Variants in MDFIC observed in about 807,000 individuals in gnomAD.
MDFIC encodes myoD family inhibitor domain-containing protein.
In MDFIC, 17 loss-of-function variants were observed where a neutral mutation model predicts 23.2. The observed-to-expected ratio is 0.73, with a 90% CI of 0.50 to 1.10. The LOEUF (loss-of-function observed/expected upper bound fraction) is 1.10. Among genes scored for constraint, MDFIC ranks in the 50% least tolerant of loss-of-function variants. MDFIC has a pLI of 0.00. For synonymous variants in MDFIC, 120 were observed against 115.2 expected (o/e 1.04, Z -0.27); for missense variants, 356 against 316.6 (o/e 1.12, Z -0.95).
chr7:114,929,084 GATCT>G (rs11273513), intron 2 of MDFIC, among the ~76,000 whole-genome samples: 1 of 147,960 alleles, frequency 6.8e-6, no homozygotes, highest in Non-Finnish European at 1.5e-5. Flanking sequence ...GATAAATATA[GATCT>G]ATCTATCTAT....
At chr7:114,938,813 G>C (rs1792484354) in intron 2 of MDFIC, among the ~76,000 whole-genome samples, 1 of 152,084 alleles carries the variant, frequency 6.6e-6, no homozygotes, top group South Asian at 2.1e-4. Context: ...TACTAGTTGA[G>C]TTGCAACTAC....
intron 2 of MDFIC, among the ~76,000 whole-genome samples, chr7:114,934,434 C>A (rs188347783): frequency 6.6e-6 from 1 of 152,190 alleles, no homozygotes; most frequent in Admixed American, 6.5e-5. Flanking sequence ...ATACCTATTC[C>A]TTCGCATATT....
In MDFIC at chr7:115,016,565, G is replaced by T. The variant is rs550545422; in HGVS notation, c.*630G>T. 1 of 153,432 alleles carries T rather than the reference G, an allele frequency of 6.5e-6. No individual in the cohort carries two copies. Among genetic ancestry groups the T allele is most frequent in the Admixed American group, 6.6e-5 (1 of 15,236 alleles). 9.5% of individuals were successfully genotyped at this position (153,432 alleles called of 1,614,324 possible). A position where few individuals can be genotyped will look rare whatever the true frequency, so the allele number is the denominator to read the frequency against. On this transcript the variant is annotated 3_prime_UTR_variant, in exon 5 of 5. Coordinates refer to ENST00000393486, the MANE Select transcript of MDFIC (RefSeq NM_001166345.3). ...GGAGAATTGCTTGAACCCGAGAGGCGGAAGTTGCAGTGAGCCGAGATTGTG... is the reference window on the plus strand; with the variant it reads ...GGAGAATTGCTTGAACCCGAGAGGCTGAAGTTGCAGTGAGCCGAGATTGTG...
At chr7:114,996,239 C>T (rs150794318) in intron 4 of MDFIC, among the ~76,000 whole-genome samples, 1 of 152,272 alleles carries the variant, frequency 6.6e-6, no homozygotes, top group Non-Finnish European at 1.5e-5. Flanking sequence ...CTGTGATTCA[C>T]ATGGGAGGTA....
intron 2 of MDFIC, among the ~76,000 whole-genome samples, chr7:114,929,547 A>C (rs7777591): frequency 6.6e-6 from 1 of 152,088 alleles, no homozygotes; most frequent in Non-Finnish European, 1.5e-5. Flanking sequence ...ATATTTTATA[A>C]GGGAGATGGT....
intron 3 of MDFIC, among the ~76,000 whole-genome samples, chr7:114,952,714 A>G (rs536261702): frequency 2.6e-5 from 4 of 152,258 alleles, no homozygotes; most frequent in African/African-American, 9.6e-5. Flanking sequence ...TTTAAGGAAA[A>G]AAAGATTCCC....
chr7:114,987,638 T>A (rs148487134), intron 4 of MDFIC, among the ~76,000 whole-genome samples: 90 of 152,320 alleles, frequency 5.9e-4, no homozygotes, highest in Non-Finnish European at 1.0e-3. Flanking sequence ...TCAAGAAATG[T>A]CACTGCTCAG....
chr7:114,940,665 A>G (rs1362160808), intron 2 of MDFIC, among the ~76,000 whole-genome samples: 1 of 152,212 alleles, frequency 6.6e-6, no homozygotes, highest in African/African-American at 2.4e-5. Context: ...CAAATGTCCA[A>G]TACTTAATTC....
chr7:114,936,983 T>C (rs924227493), intron 2 of MDFIC, among the ~76,000 whole-genome samples: 6 of 152,120 alleles, frequency 3.9e-5, no homozygotes, highest in Non-Finnish European at 5.9e-5. Flanking sequence ...TCATATTTTA[T>C]ATGTTATTAT....
At position 114,922,365 on chromosome 7, in the gene MDFIC, C is replaced by A. The variant is rs1032618774; in HGVS notation, c.-379C>A. On this transcript the variant is annotated 5_prime_UTR_variant, in exon 1 of 5. Coordinates refer to ENST00000393486, the MANE Select transcript of MDFIC (RefSeq NM_001166345.3). ...GAAAGAGAGGCAGAGAGGGGGAAGG[C>A]CCCCTCGCAGGGGAGCCGGCTGGAG... The A allele has an allele frequency of 3.3e-6, 4 of 1,217,930 alleles. No homozygotes were observed. The highest frequency in any genetic ancestry group is 4.1e-6 in the Non-Finnish European group (4 of 974,234). The allele number at this position is 1,217,930 out of a possible 1,614,324, so 75.4% of individuals were successfully genotyped here.
chr7:114,995,407 G>C (rs1028174600), intron 4 of MDFIC, among the ~76,000 whole-genome samples: 1 of 152,174 alleles, frequency 6.6e-6, no homozygotes, highest in Non-Finnish European at 1.5e-5. Context: ...TGTTCCTTTG[G>C]AGGGGGATAG....
At chr7:114,951,111 A>G (rs1044255402) in intron 3 of MDFIC, among the ~76,000 whole-genome samples, 5 of 152,150 alleles carry the variant, frequency 3.3e-5, no homozygotes, top group Non-Finnish European at 5.9e-5. Flanking sequence ...GCTTGAGCCT[A>G]GGAGGTTGGG....
Position 115,016,206 on chromosome 7 carries a change from TGCC to T in MDFIC, c.*272_*274del. 2 of 371,990 alleles carry T rather than the reference TGCC, an allele frequency of 5.4e-6. No individual in the cohort carries two copies. Among genetic ancestry groups the T allele is most frequent in the South Asian group, 3.5e-5 (1 of 28,980 alleles). The allele number at this position is 371,990 out of a possible 1,614,324, so 23.0% of individuals were successfully genotyped here. A position where few individuals can be genotyped will look rare whatever the true frequency, so the allele number is the denominator to read the frequency against. ...GACACCCCCCTTCCCAAATGTTAAATGCCTTCTCCTTTTTACCGATATTTCTGT... is the reference window on the plus strand; with the variant it reads ...GACACCCCCCTTCCCAAATGTTAAATTTCTCCTTTTTACCGATATTTCTGT... On this transcript the variant is annotated 3_prime_UTR_variant, in exon 5 of 5. Coordinates refer to ENST00000393486, the MANE Select transcript of MDFIC (RefSeq NM_001166345.3).
At position 115,011,260 on chromosome 7, in the gene MDFIC, G is replaced by A. The variant is rs116013796; in HGVS notation, c.494-4428G>A. Among the ~76,000 whole-genome samples the A allele has an allele frequency of 4.5e-3, 680 of 152,000 alleles. 4 individuals carry two copies. Among genetic ancestry groups the A allele is most frequent in the African/African-American group, 0.015 (614 of 41,430 alleles). ...GCATTGGTAAAATAGGCATAATACC[G>A]GTATGACTTCTTAGGAGTATTATTA... On this transcript the variant is annotated intron_variant, in intron 4 of 4. Coordinates refer to ENST00000393486, the MANE Select transcript of MDFIC (RefSeq NM_001166345.3).
chr7:114,959,135 C>T (rs553389546), intron 3 of MDFIC, among the ~76,000 whole-genome samples: 11 of 152,002 alleles, frequency 7.2e-5, no homozygotes, highest in Admixed American at 7.2e-4. Flanking sequence ...AACATAAGAC[C>T]AACTATTACT....
intron 4 of MDFIC, among the ~76,000 whole-genome samples, chr7:114,980,799 T>A (rs1308940839): frequency 6.6e-6 from 1 of 152,214 alleles, no homozygotes; most frequent in East Asian, 1.9e-4. Context: ...TTGGTCATGC[T>A]TATTCATAGA....
At chr7:114,996,925 G>T (rs1360493858) in intron 4 of MDFIC, among the ~76,000 whole-genome samples, 1 of 152,164 alleles carries the variant, frequency 6.6e-6, no homozygotes, top group South Asian at 2.1e-4. Flanking sequence ...AAAAAGTGAG[G>T]AAGAGTAGCT....
intron 4 of MDFIC, among the ~76,000 whole-genome samples, chr7:114,997,488 A>G (rs770795251): frequency 4.0e-5 from 6 of 151,688 alleles, no homozygotes; most frequent in African/African-American, 7.3e-5. Context: ...AGTGGCTCAC[A>G]TCTGTAATCC....
At chr7:114,922,867 G>C (rs1019250202) in intron 1 of MDFIC, 60 bp from the exon 2 acceptor site, 1 of 1,506,744 alleles carries the variant, frequency 6.6e-7, no homozygotes, top group African/African-American at 1.4e-5. Context: ...CGTCCCGCAG[G>C]GGTGGTGTGC....
Sources: gnomAD v4.1 joint callset for allele counts (sites outside exome capture counted in the v4.1 genomes callset) on GRCh38, gnomAD v4.1.1 for gene constraint, MANE v1.5 for transcripts, NCBI Gene and HGNC (gene_info 2026-07-23, HGNC 2026-07-21) for gene names.